LRRIQ1: variants seen among roughly 807,000 people sequenced by gnomAD.
The protein encoded by LRRIQ1 is leucine rich repeats and IQ motif containing 1.
In LRRIQ1, 210 loss-of-function variants were observed where a neutral mutation model predicts 211.9. The observed-to-expected ratio is 0.99, with a 90% CI of 0.89 to 1.11. LRRIQ1 has a LOEUF of 1.11. Ranked by LOEUF, LRRIQ1 falls within the 50% of genes most tolerant of loss-of-function variation. The pLI, the probability that LRRIQ1 is intolerant of heterozygous loss-of-function variation, is 0.00. For synonymous variants in LRRIQ1, 699 were observed against 650.1 expected, an observed-to-expected ratio of 1.08 and a Z score of -1.14; for missense variants, 2,136 against 1,939.5, an observed-to-expected ratio of 1.10 and a Z score of -1.90.
Position 85,127,980 on chromosome 12 carries a change from G to GA in LRRIQ1, c.4160dup (p.Asn1387LysfsTer37). The GA allele has an allele frequency of 6.2e-7, 1 of 1,613,674 alleles. No individual in the cohort carries two copies. The highest frequency in any genetic ancestry group is 2.2e-5 in the East Asian group (1 of 44,858). Reference sequence around the variant, plus strand: ...GACTATTTTAAAGAAAGGAAAAAGAGAAAATATTGTGAATATCCGAAAACA... The same window carrying GA: ...GACTATTTTAAAGAAAGGAAAAAGAGAAAAATATTGTGAATATCCGAAAACA... On this transcript the variant is annotated frameshift_variant, in exon 18 of 27. Transcript: ENST00000393217. LOFTEE classifies it high-confidence loss of function.
chr12:85,141,125 G>A (rs1889504052), intron 19 of LRRIQ1, among the ~76,000 whole-genome samples: 2 of 151,256 alleles, frequency 1.3e-5, no homozygotes, highest in South Asian at 4.1e-4. Flanking sequence ...TTTTCAAGGG[G>A]AGTTTGATAT....
chr12:85,242,177 A>G (rs542914624), intron 26 of LRRIQ1, among the ~76,000 whole-genome samples: 1 of 152,134 alleles, frequency 6.6e-6, no homozygotes, highest in South Asian at 2.1e-4. Flanking sequence ...TTATATTATA[A>G]CCATAAAAAA....
chr12:85,154,094 GGTGA>G lies in LRRIQ1; in HGVS notation c.4720+3_4720+6del, dbSNP rs761820844. 6 of 1,538,964 alleles carry G rather than the reference GGTGA, an allele frequency of 3.9e-6. No homozygotes were observed. In the Admixed American group the frequency reaches 9.1e-5, roughly 23 times the overall value. On this transcript the variant is annotated splice_donor_variant and splice_donor_region_variant and intron_variant, in intron 23 of 26. Transcript: ENST00000393217. LOFTEE classifies it high-confidence loss of function. ...ATCGAAGAAACTAAAGAAAAAAATA[GGTGA>G]GTAATTAGTGCTCTTTGAATAATAA...
chr12:85,055,830 A>G lies in LRRIQ1; in HGVS notation c.1037A>G (p.Lys346Arg). Residue 346 changes from lysine (K) to arginine (R), a missense_variant, in exon 8 of 27, where the codon AAA (lysine) becomes AGA (arginine). Physicochemically the swap from Lys to Arg is conservative, Grantham distance 26. Coordinates refer to ENST00000393217, the MANE Select transcript of LRRIQ1 (RefSeq NM_001079910.2). ...RKRLEEEQRIKEERKKQKEEE... is the reference protein window; with the variant it reads ...RKRLEEEQRIREERKKQKEEE... Reference sequence around the variant, plus strand: ...AGATTAGAGGAGGAACAAAGGATAAAAGAAGAGAGAAAAAAGCAAAAGGAA... The same window carrying G: ...AGATTAGAGGAGGAACAAAGGATAAGAGAAGAGAGAAAAAAGCAAAAGGAA... The G allele has an allele frequency of 6.3e-7, 1 of 1,587,698 alleles. No homozygotes were observed. Among genetic ancestry groups the G allele is most frequent in the Non-Finnish European group, 8.6e-7 (1 of 1,167,348 alleles).
chr12:85,246,346 G>A (rs1593022178), downstream of LRRIQ1, among the ~76,000 whole-genome samples: 1 of 150,874 alleles, frequency 6.6e-6, no homozygotes, highest in East Asian at 1.9e-4. Context: ...GAAGTAATCA[G>A]CCTGTGTCAA....
At chr12:85,071,259 T>C (rs1883054121) in intron 10 of LRRIQ1, among the ~76,000 whole-genome samples, 1 of 151,980 alleles carries the variant, frequency 6.6e-6, no homozygotes, top group Admixed American at 6.6e-5. Flanking sequence ...TATGCACGTA[T>C]CTAAGGAAAT....
At chr12:85,125,096 G>A (rs1330008632) in intron 17 of LRRIQ1, among the ~76,000 whole-genome samples, 6 of 151,840 alleles carry the variant, frequency 4.0e-5, no homozygotes, top group African/African-American at 1.5e-4. Flanking sequence ...GGAGAATGGC[G>A]TGAACCCGGG....
chr12:85,198,528 T>C (rs1299982792), intron 24 of LRRIQ1, among the ~76,000 whole-genome samples: 7 of 151,916 alleles, frequency 4.6e-5, no homozygotes, highest in African/African-American at 1.5e-4. Context: ...TAGTATCTCA[T>C]TGTGGTTTTA....
chr12:85,263,170 GT>G, exon 2 of LRRIQ1: 1 of 586,414 alleles, frequency 1.7e-6, no homozygotes, highest in Non-Finnish European at 2.2e-6. Flanking sequence ...ATTTAATTTG[GT>G]TTATTATACG....
chr12:85,162,146 C>A (rs1890921332), intron 24 of LRRIQ1, among the ~76,000 whole-genome samples: 1 of 151,896 alleles, frequency 6.6e-6, no homozygotes, highest in Non-Finnish European at 1.5e-5. Context: ...GTAAAGATTT[C>A]CTTTACATTC....
chr12:85,069,382 A>G (rs1314674738), intron 10 of LRRIQ1, among the ~76,000 whole-genome samples: 1 of 152,060 alleles, frequency 6.6e-6, no homozygotes, highest in Non-Finnish European at 1.5e-5. Context: ...GCTATTGTGA[A>G]TAGTGCCGCA....
chr12:85,129,812 C>T (rs991543446), intron 18 of LRRIQ1, among the ~76,000 whole-genome samples: 4 of 152,076 alleles, frequency 2.6e-5, no homozygotes, highest in East Asian at 1.9e-4. Context: ...TTGACGTGGT[C>T]GAGTTTACTC....
chr12:85,188,309 AAAGTATT>A (rs1183205391), intron 24 of LRRIQ1, among the ~76,000 whole-genome samples: 5 of 149,440 alleles, frequency 3.3e-5, no homozygotes, highest in African/African-American at 1.3e-4. Context: ...AGGTGCTGTT[AAAGTATT>A]AACTATTTGG....
chr12:85,211,445 G>T (rs1893832402), intron 24 of LRRIQ1, among the ~76,000 whole-genome samples: 1 of 152,084 alleles, frequency 6.6e-6, no homozygotes, highest in East Asian at 1.9e-4. Context: ...AATTTACCTA[G>T]CAGTGGCTGT....
downstream of LRRIQ1, among the ~76,000 whole-genome samples, chr12:85,248,181 A>G (rs1381263067): frequency 7.3e-5 from 11 of 151,566 alleles, no homozygotes; most frequent in Admixed American, 6.6e-4. Context: ...AGCTTTATAC[A>G]TTATCTTTAT....
rs1207212907 is a variant in LRRIQ1 at position 85,124,221 on chromosome 12, C to T, written c.3709C>T (p.Pro1237Ser). 6.2e-7 allele frequency: 1 copy of T among 1,613,826 alleles called. No homozygotes were observed. Among genetic ancestry groups the T allele is most frequent in the East Asian group, 2.2e-5 (1 of 44,866 alleles). Reference protein sequence around the residue: ...ESEAQKNHLAPTNSDSTLQNG... With the variant: ...ESEAQKNHLASTNSDSTLQNG... Reference sequence around the variant, plus strand: ...AGAAGCCCAGAAAAATCATTTGGCCCCTACAAACAGTGACAGCACTCTGCA... The same window carrying T: ...AGAAGCCCAGAAAAATCATTTGGCCTCTACAAACAGTGACAGCACTCTGCA... Residue 1237 changes from proline (P) to serine (S), a missense_variant, in exon 17 of 27, where the codon CCT becomes TCT. Transcript: ENST00000393217.
chr12:85,204,803 T>G (rs1193959906), intron 24 of LRRIQ1, among the ~76,000 whole-genome samples: 1 of 152,192 alleles, frequency 6.6e-6, no homozygotes, highest in Non-Finnish European at 1.5e-5. Context: ...ACTTGCCTTA[T>G]CTCAGATGAG....
intron 10 of LRRIQ1, among the ~76,000 whole-genome samples, chr12:85,072,033 T>C (rs1883140038): frequency 2.0e-5 from 3 of 152,072 alleles, no homozygotes; most frequent in Middle Eastern, 3.2e-3. Context: ...TATTATGCTG[T>C]TCTTTTCTAT....
chr12:85,142,882 A>G (rs1480171146), intron 19 of LRRIQ1, among the ~76,000 whole-genome samples: 1 of 151,518 alleles, frequency 6.6e-6, no homozygotes, highest in African/African-American at 2.4e-5. Flanking sequence ...GTTTCATTCC[A>G]TATTTTGGTT....
Sources: allele counts gnomAD v4.1 joint callset (sites outside exome capture counted in the v4.1 genomes callset), GRCh38; gene constraint gnomAD v4.1.1; transcripts MANE v1.5; gene names NCBI Gene and HGNC (gene_info 2026-07-23, HGNC 2026-07-21).